TBC1D8: variants seen among roughly 807,000 people sequenced by gnomAD.
The protein encoded by TBC1D8 is TBC1 domain family member 8.
A neutral mutation model predicts 118.8 loss-of-function variants in TBC1D8; 65 were observed. That is an observed-to-expected ratio of 0.55 (90% CI 0.45 to 0.67). The LOEUF is 0.67. Among genes scored for constraint, TBC1D8 ranks in the 30% least tolerant of loss-of-function variants. The probability of loss-of-function intolerance (pLI) is 0.00; values close to 1 mark genes in which losing one functional copy is unlikely to be tolerated. For missense variants in TBC1D8, 1,376 were observed against 1,471.2 expected (o/e 0.94, Z 1.06); for synonymous variants, 566 against 595.8 (o/e 0.95, Z 0.73).
At chr2:101,081,243 G>A (rs1247801747) in intron 2 of TBC1D8, among the ~76,000 whole-genome samples, 1 of 152,154 alleles carries the variant, frequency 6.6e-6, no homozygotes, top group Admixed American at 6.5e-5. Flanking sequence ...ATGTGGCAGT[G>A]CCCCTGCCCA....
At chr2:101,008,389 T>C (rs1224976502) in intron 19 of TBC1D8, 116 bp from the exon 20 acceptor site, 4 of 837,182 alleles carry the variant, frequency 4.8e-6, no homozygotes, top group Non-Finnish European at 7.1e-6. Context: ...AGACACAGAA[T>C]ATAAGAAAAG....
At chr2:101,095,521 C>T (rs566080178) in intron 1 of TBC1D8, among the ~76,000 whole-genome samples, 325 of 149,394 alleles carry the variant, frequency 2.2e-3, no homozygotes, top group Middle Eastern at 0.021. Context: ...TTTGTCCTTG[C>T]GATAGTTTGC....
chr2:101,124,916 A>G (rs757915288), intron 1 of TBC1D8, among the ~76,000 whole-genome samples: 2 of 152,230 alleles, frequency 1.3e-5, no homozygotes, highest in Non-Finnish European at 2.9e-5. Flanking sequence ...CCACCAAGTG[A>G]GTCAGAGCCC....
In TBC1D8 at chr2:101,151,346, G is replaced by A. The variant is rs1386451832; in HGVS notation, c.-93C>T. On this transcript the variant is annotated 5_prime_UTR_variant, in exon 1 of 20. Coordinates refer to ENST00000409318, the MANE Select transcript of TBC1D8 (RefSeq NM_001330348.2). ...AGCCCGCTCGAGAGGCGACGGCGGC[G>A]CGCGGGGACCACAGCCCGGCCGGTG... 66 of 1,068,294 alleles carry A rather than the reference G, an allele frequency of 6.2e-5. No individual in the cohort carries two copies. In the Admixed American group the frequency reaches 3.5e-3, roughly 57 times the overall value. The allele number at this position is 1,068,294 out of a possible 1,614,324, so 66.2% of individuals were successfully genotyped here. A position where few individuals can be genotyped will look rare whatever the true frequency, so the allele number is the denominator to read the frequency against.
At chr2:101,087,643 C>CA (rs34582477) in intron 2 of TBC1D8, among the ~76,000 whole-genome samples, 47,288 of 104,694 alleles carry the variant, frequency 0.45, 9,114 homozygotes, top group Middle Eastern at 0.5. Context: ...GACTCTGTCT[C>CA]AAAAAAAAAA....
rs199934612 is a variant in TBC1D8, at chr2:101,037,594, G to A, written c.1390C>T (p.His464Tyr). 4.5e-5 allele frequency: 72 copies of A among 1,613,402 alleles called. No homozygotes were observed. Among genetic ancestry groups the A allele is most frequent in the Non-Finnish European group, 4.3e-5 (51 of 1,179,904 alleles). The change falls in exon 8 of 20, where the codon CAC (histidine) becomes TAC (tyrosine). Residue 464 changes from histidine (H) to tyrosine (Y), a missense_variant. His to Tyr is a moderately conservative substitution (Grantham distance 83, BLOSUM62 2). Transcript: ENST00000409318. Reference sequence around the variant, plus strand: ...AAGGCGGTGACCAGGGCATCGGGGTGCATCAGCGGGCTCTTCTCTTTCTCA... The same window carrying A: ...AAGGCGGTGACCAGGGCATCGGGGTACATCAGCGGGCTCTTCTCTTTCTCA... ...ESEKEKSPLM[H>Y]PDALVTAFQQ...
At chr2:101,149,473 T>C (rs1454432514) in intron 1 of TBC1D8, among the ~76,000 whole-genome samples, 1 of 152,126 alleles carries the variant, frequency 6.6e-6, no homozygotes, top group Non-Finnish European at 1.5e-5. Context: ...CGGGCCTCTT[T>C]CCAGAGCAGC....
At chr2:101,076,098 A>G (rs775994878) in intron 2 of TBC1D8, among the ~76,000 whole-genome samples, 6 of 152,208 alleles carry the variant, frequency 3.9e-5, no homozygotes, top group Non-Finnish European at 7.3e-5. Context: ...CCTTACATTA[A>G]CAGTAGGCAA....
chr2:101,142,881 A>AT (rs1301235226), intron 1 of TBC1D8, among the ~76,000 whole-genome samples: 4 of 151,966 alleles, frequency 2.6e-5, no homozygotes, highest in Non-Finnish European at 4.4e-5. Context: ...ATATACTCTT[A>AT]TTTTTTTACT....
intron 2 of TBC1D8, among the ~76,000 whole-genome samples, chr2:101,073,678 CT>C (rs1213727997): frequency 1.3e-5 from 2 of 152,220 alleles, no homozygotes; most frequent in Non-Finnish European, 2.9e-5. Flanking sequence ...TTATAACTCA[CT>C]GCAGCTTCTC....
chr2:101,125,690 T>C (rs1002326443), intron 1 of TBC1D8, among the ~76,000 whole-genome samples: 4 of 152,176 alleles, frequency 2.6e-5, no homozygotes, highest in African/African-American at 9.7e-5. Context: ...AGAGATGAGG[T>C]ATAGACGCAC....
rs554949407 is a variant in TBC1D8, at chr2:101,012,448, C to T, written c.2828-908G>A. Among the ~76,000 whole-genome samples, 150 of 152,298 alleles carry T rather than the reference C, an allele frequency of 9.8e-4. 2 individuals are homozygous for T. The highest frequency in any genetic ancestry group is 3.6e-3 in the African/African-American group (148 of 41,570). On this transcript the variant is annotated intron_variant, in intron 17 of 19. Transcript: ENST00000409318. ...TAGGTGAGAGAAGTCGAACATGATA[C>T]AGCAACTCCATTTATATCAAATGTC...
intron 2 of TBC1D8, among the ~76,000 whole-genome samples, chr2:101,062,123 A>G (rs1682787677): frequency 6.6e-6 from 1 of 152,204 alleles, no homozygotes; most frequent in African/African-American, 2.4e-5. Context: ...GTCTAAATCC[A>G]GTGGGTCAGC....
At chr2:101,060,444 T>C (rs1254744735) in intron 2 of TBC1D8, among the ~76,000 whole-genome samples, 2 of 152,164 alleles carry the variant, frequency 1.3e-5, no homozygotes, top group Non-Finnish European at 2.9e-5. Context: ...GTTAAAAACA[T>C]ACATAAAAAG....
chr2:101,150,923 G>A (rs1679532290), intron 1 of TBC1D8, among the ~76,000 whole-genome samples: 1 of 152,084 alleles, frequency 6.6e-6, no homozygotes, highest in African/African-American at 2.4e-5. Context: ...GCACGCGCCC[G>A]GGAGCCCCCT....
At chr2:101,140,608 T>C (rs1041737578) in intron 1 of TBC1D8, among the ~76,000 whole-genome samples, 1 of 152,142 alleles carries the variant, frequency 6.6e-6, no homozygotes, top group African/African-American at 2.4e-5. Flanking sequence ...TCAATCAGCA[T>C]ATAATTCTGC....
chr2:101,144,847 A>C lies in TBC1D8; in HGVS notation c.127+6280T>G, dbSNP rs575090174. Among the ~76,000 whole-genome samples the C allele has an allele frequency of 3.9e-5, 6 of 152,302 alleles. No individual in the cohort carries two copies. In the East Asian group the frequency reaches 1.2e-3, roughly 29 times the overall value. On this transcript the variant is annotated intron_variant, in intron 1 of 19. Transcript: ENST00000409318. Reference sequence around the variant, plus strand: ...CAGCTACTCAGGAGGCTGAGGCAGAAGAATCGCTTGAACCCAGGAGGTGGA... The same window carrying C: ...CAGCTACTCAGGAGGCTGAGGCAGACGAATCGCTTGAACCCAGGAGGTGGA...
At chr2:101,121,801 C>T (rs1008171634) in intron 1 of TBC1D8, among the ~76,000 whole-genome samples, 6 of 152,200 alleles carry the variant, frequency 3.9e-5, no homozygotes, top group Non-Finnish European at 8.8e-5. Flanking sequence ...CACAGTGGCT[C>T]ACGCCTGTAA....
intron 1 of TBC1D8, among the ~76,000 whole-genome samples, chr2:101,132,287 C>T (rs1169326376): frequency 6.6e-6 from 1 of 152,004 alleles, no homozygotes; most frequent in Non-Finnish European, 1.5e-5. Context: ...TGAGGGGAAG[C>T]CTATTCCTAT....
Sources: allele counts gnomAD v4.1 joint callset (sites outside exome capture counted in the v4.1 genomes callset), GRCh38; gene constraint gnomAD v4.1.1; transcripts MANE v1.5; gene names NCBI Gene and HGNC (gene_info 2026-07-23, HGNC 2026-07-21).